Variants in FAM184A observed in about 807,000 individuals in gnomAD.
The protein encoded by FAM184A is protein FAM184A.
Under a neutral mutation model 143.8 loss-of-function variants are expected in FAM184A, and 99 were observed. The observed-to-expected ratio is 0.69, with a 90% CI of 0.58 to 0.81. The LOEUF (loss-of-function observed/expected upper bound fraction) is 0.81, where lower values mean the gene tolerates loss of function less well. Among genes scored for constraint, FAM184A ranks in the 40% least tolerant of loss-of-function variants. The probability of loss-of-function intolerance (pLI) is 0.00; values close to 1 mark genes in which losing one functional copy is unlikely to be tolerated. For synonymous variants in FAM184A, 427 were observed against 446.4 expected (o/e 0.96, Z 0.55); for missense variants, 1,217 against 1,310.5 (o/e 0.93, Z 1.10).
intron 9 of FAM184A, among the ~76,000 whole-genome samples, chr6:118,987,933 T>C (rs1784243668): frequency 6.6e-6 from 1 of 152,192 alleles, no homozygotes; most frequent in South Asian, 2.1e-4. Context: ...GTTAGAAGCT[T>C]TTATTACCCA....
At chr6:119,102,031 G>C (rs1300462100) in intron 1 of FAM184A, among the ~76,000 whole-genome samples, 1 of 151,912 alleles carries the variant, frequency 6.6e-6, no homozygotes, top group Non-Finnish European at 1.5e-5. Flanking sequence ...ACTCCAGCCT[G>C]GGCAACACAG....
At chr6:118,999,807 A>G (rs190631186) in intron 9 of FAM184A, among the ~76,000 whole-genome samples, 11 of 152,310 alleles carry the variant, frequency 7.2e-5, no homozygotes, top group Admixed American at 2.0e-4. Flanking sequence ...ATGTCCCCCA[A>G]TGTGGTGCTG....
intron 16 of FAM184A, chr6:118,962,744 A>T (rs1007103987): frequency 1.3e-5 from 2 of 152,192 alleles, no homozygotes; most frequent in Non-Finnish European, 2.9e-5. Context: ...ATCAAAATCT[A>T]TCAGCTTGCA....
upstream of FAM184A, among the ~76,000 whole-genome samples, chr6:119,082,510 G>A (rs1562143121): frequency 6.6e-6 from 1 of 152,240 alleles, no homozygotes; most frequent in Non-Finnish European, 1.5e-5. Flanking sequence ...TACAATGGGG[G>A]TTCAGGCATT....
At chr6:119,098,361 A>G (rs1378640581) in intron 1 of FAM184A, among the ~76,000 whole-genome samples, 1 of 152,200 alleles carries the variant, frequency 6.6e-6, no homozygotes, top group Non-Finnish European at 1.5e-5. Flanking sequence ...TGTGAAACAG[A>G]CTAATACAGA....
chr6:118,961,857 T>G lies in FAM184A; in HGVS notation c.3245A>C (p.Asp1082Ala), dbSNP rs1015880310. Residue 1082 changes from aspartate (D) to alanine (A), a missense_variant, in exon 17 of 18, where the codon GAT (aspartate) becomes GCT (alanine). Asp to Ala is a moderately radical substitution (Grantham distance 126). Transcript: ENST00000338891. The stretch of plus-strand genomic sequence containing the variant: ...GTGGACTGGAGAATTAGGAATGGGA[T>G]CCAGGCGGTTAGGATGTCCATTGCC... ...GVGNGHPNRL[D>A]PIPNSPVHDI... The G allele has an allele frequency of 6.2e-7, 1 of 1,613,726 alleles. No individual in the cohort carries two copies. Among genetic ancestry groups the G allele is most frequent in the Admixed American group, 1.7e-5 (1 of 59,952 alleles).
At position 119,078,520 on chromosome 6, in the gene FAM184A, G is replaced by C. The variant is rs917470493; in HGVS notation, c.-221C>G. On this transcript the variant is annotated 5_prime_UTR_variant, in exon 1 of 18. Transcript: ENST00000338891. The surrounding 1 kb of genome is among the most constrained non-coding windows in gnomAD (Gnocchi z 5.5). ...CCCGAAGCCGCGGGGACAACGGCGC[G>C]GGGCAGATGCCCGGGGTTGGGCGGC... The C allele has an allele frequency of 4.2e-5, 15 of 361,372 alleles. No individual in the cohort carries two copies. The highest frequency in any genetic ancestry group is 2.1e-5 in the African/African-American group (1 of 47,060). The allele number at this position is 361,372 out of a possible 1,614,324, so 22.4% of individuals were successfully genotyped here.
intron 1 of FAM184A, among the ~76,000 whole-genome samples, chr6:119,050,913 T>C (rs1263866060): frequency 6.6e-6 from 1 of 151,876 alleles, no homozygotes; most frequent in Admixed American, 6.6e-5. Context: ...AAACCAAATA[T>C]CGCAGGTTTT....
chr6:119,033,644 G>C (rs1183458749), intron 1 of FAM184A, among the ~76,000 whole-genome samples: 1 of 142,882 alleles, frequency 7.0e-6, no homozygotes, highest in African/African-American at 2.7e-5. Context: ...CAGCCCGGAC[G>C]ACAGAGTGAG....
In FAM184A at chr6:118,980,344, A is replaced by C. The variant is rs1260991517; in HGVS notation, c.2095T>G (p.Leu699Val). Residue 699 changes from leucine to valine, a missense_variant, in exon 10 of 18, where the codon TTG (leucine) becomes GTG (valine). Transcript: ENST00000338891. ...KVEDLLNQIS[L>V]LKQNLEIQLS... ...TGTATCTCCAGATTCTGTTTCAGCA[A>C]GGAAATCTATGCCCCAGAATGGTAC... The C allele has an allele frequency of 1.2e-6, 2 of 1,613,548 alleles. No individual in the cohort carries two copies. Among genetic ancestry groups the C allele is most frequent in the Non-Finnish European group, 1.7e-6 (2 of 1,179,632 alleles).
chr6:119,020,081 A>G lies in FAM184A; in HGVS notation c.1229T>C (p.Val410Ala), dbSNP rs1468237674. ...IKDLESEKSR[V>A]NERLSQLEEE... is the part of the protein sequence containing the mutation. ...TTCAAGTTGAGATAATCTCTCATTG[A>G]CTCTCGATTTTTCTGATTCTAAATC... The change falls in exon 4 of 18, where the codon GTC (valine) becomes GCC (alanine). Residue 410 changes from valine (V) to alanine (A), a missense_variant. By Grantham distance (64) the Val-to-Ala change is moderately conservative. Coordinates refer to ENST00000338891, the MANE Select transcript of FAM184A (RefSeq NM_024581.6). 5 of 1,609,032 alleles carry G rather than the reference A, an allele frequency of 3.1e-6. No individual in the cohort carries two copies. The highest frequency in any genetic ancestry group is 4.2e-6 in the Non-Finnish European group (5 of 1,178,476).
Position 119,075,041 on chromosome 6 carries a change from A to C in FAM184A, c.159+3100T>G, listed in dbSNP as rs139173463. Among the ~76,000 whole-genome samples the C allele has an allele frequency of 1.5e-3, 236 of 152,362 alleles. 1 individual carries two copies. Among genetic ancestry groups the C allele is most frequent in the African/African-American group, 5.6e-3 (231 of 41,598 alleles). On this transcript the variant is annotated intron_variant, in intron 1 of 17. Transcript: ENST00000338891. ...AGCAAAGACTGCTTTTTAATTAAAA[A>C]TATATTGAGCTTTGCTATGGGCAAA...
intron 1 of FAM184A, among the ~76,000 whole-genome samples, chr6:119,038,089 G>A (rs12204084): frequency 0.15 from 22,378 of 152,102 alleles, 1,787 homozygotes; most frequent in Non-Finnish European, 0.17. Flanking sequence ...GTGGGGAGCC[G>A]AGATAAGAGG....
intron 1 of FAM184A, among the ~76,000 whole-genome samples, chr6:119,026,633 T>A (rs1165819477): frequency 6.6e-6 from 1 of 152,116 alleles, no homozygotes; most frequent in African/African-American, 2.4e-5. Flanking sequence ...CACTCTATAC[T>A]TCGGGATTTA....
At chr6:118,977,553 C>T (rs999233867) in intron 11 of FAM184A, among the ~76,000 whole-genome samples, 3 of 152,166 alleles carry the variant, frequency 2.0e-5, no homozygotes, top group African/African-American at 7.2e-5. Flanking sequence ...GCATTCTTAA[C>T]CTGGGCAACA....
chr6:119,035,767 G>T (rs1029389588), intron 1 of FAM184A, among the ~76,000 whole-genome samples: 1 of 152,014 alleles, frequency 6.6e-6, no homozygotes, highest in African/African-American at 2.4e-5. Flanking sequence ...AATTTTTTTT[G>T]AATCCACCTA....
chr6:119,140,360 A>T (rs1772185766), intron 1 of FAM184A, among the ~76,000 whole-genome samples: 1 of 152,140 alleles, frequency 6.6e-6, no homozygotes, highest in South Asian at 2.1e-4. Context: ...TCTTCAGTGA[A>T]AATGATTCTC....
intron 1 of FAM184A, among the ~76,000 whole-genome samples, chr6:119,130,050 T>G (rs1789493579): frequency 6.6e-6 from 1 of 152,020 alleles, no homozygotes; most frequent in African/African-American, 2.4e-5. Flanking sequence ...AAACATTTTT[T>G]TTTAAAGATA....
intron 14 of FAM184A, among the ~76,000 whole-genome samples, chr6:118,970,460 TTAGAA>T (rs758145009): frequency 4.6e-4 from 70 of 152,170 alleles, no homozygotes; most frequent in Non-Finnish European, 8.1e-4. Context: ...TAGCTTTTAT[TTAGAA>T]TAAAGGATAA....
Sources: gnomAD v4.1 joint callset for allele counts (sites outside exome capture counted in the v4.1 genomes callset) on GRCh38, gnomAD v4.1.1 for gene constraint, Gnocchi (gnomAD v3.1) non-coding constraint, MANE v1.5 for transcripts, NCBI Gene and HGNC (gene_info 2026-07-23, HGNC 2026-07-21) for gene names.